The following BSDC1 variants were observed in gnomAD, a reference collection of about 807,000 sequenced individuals.
BSDC1 encodes the protein BSD domain-containing protein 1.
BSDC1 carries 29 observed loss-of-function variants against 56.0 expected under a neutral mutation model. The observed-to-expected ratio is 0.52, with a 90% CI of 0.39 to 0.71. The LOEUF is 0.71. Among genes scored for constraint, BSDC1 ranks in the 30% least tolerant of loss-of-function variants. The pLI, the probability that BSDC1 is intolerant of heterozygous loss-of-function variation, is 0.00. For synonymous variants in BSDC1, 210 were observed against 215.3 expected (o/e 0.98, Z 0.21); for missense variants, 477 against 548.5 (o/e 0.87, Z 1.30).
At chr1:32,379,397 T>C (rs1642408873) in intron 5 of BSDC1, among the ~76,000 whole-genome samples, 1 of 152,126 alleles carries the variant, frequency 6.6e-6, no homozygotes, top group Non-Finnish European at 1.5e-5. Context: ...CCACTGATAA[T>C]TCCTGTGTCT....
intron 3 of BSDC1, among the ~76,000 whole-genome samples, chr1:32,386,247 A>T (rs1374859876): frequency 6.9e-6 from 1 of 144,876 alleles, no homozygotes; most frequent in Non-Finnish European, 1.5e-5. Context: ...TGAACCCGGG[A>T]GGCGGAGCTT....
At chr1:32,372,753 A>G (rs1642138874) in intron 9 of BSDC1, among the ~76,000 whole-genome samples, 1 of 152,160 alleles carries the variant, frequency 6.6e-6, no homozygotes, top group South Asian at 2.1e-4. Flanking sequence ...TTTTCGGGTG[A>G]TTGCTAACTT....
chr1:32,386,625 T>C (rs1204460560), intron 3 of BSDC1, 154 bp downstream of exon 3: 2 of 509,978 alleles, frequency 3.9e-6, no homozygotes, highest in African/African-American at 2.0e-5. Context: ...GCTTGTTTGG[T>C]TGCCAGACAC....
chr1:32,392,730 G>C (rs1642909153), intron 2 of BSDC1, among the ~76,000 whole-genome samples: 1 of 152,170 alleles, frequency 6.6e-6, no homozygotes, highest in Non-Finnish European at 1.5e-5. Flanking sequence ...CTATTGCTGA[G>C]AGGCTGTCCA....
intron 2 of BSDC1, among the ~76,000 whole-genome samples, chr1:32,389,553 T>C (rs1642793354): frequency 6.6e-6 from 1 of 152,114 alleles, no homozygotes; most frequent in Non-Finnish European, 1.5e-5. Context: ...ATAGTGCTGA[T>C]GTGCAAGGGC....
intron 9 of BSDC1, among the ~76,000 whole-genome samples, chr1:32,370,945 G>C (rs1642058847): frequency 6.6e-6 from 1 of 151,918 alleles, no homozygotes; most frequent in African/African-American, 2.4e-5. Context: ...AATATTTATG[G>C]TCTGGTCCTA....
At chr1:32,387,394 T>C (rs967163521) in intron 2 of BSDC1, among the ~76,000 whole-genome samples, 7 of 151,344 alleles carry the variant, frequency 4.6e-5, no homozygotes, top group African/African-American at 1.7e-4. Flanking sequence ...CAGGCTGGAG[T>C]GCAATGGCAC....
At chr1:32,389,544 T>C (rs759500433) in intron 2 of BSDC1, among the ~76,000 whole-genome samples, 28 of 152,190 alleles carry the variant, frequency 1.8e-4, no homozygotes, top group Admixed American at 4.6e-4. Context: ...GGTCCCATGA[T>C]AGTGCTGATG....
intron 4 of BSDC1, among the ~76,000 whole-genome samples, chr1:32,382,867 C>CAAAA (rs760141230): frequency 5.8e-4 from 27 of 46,810 alleles, no homozygotes; most frequent in African/African-American, 1.3e-3. Context: ...GAGACCGTCT[C>CAAAA]AAAAAAAAAA....
rs1641817794 is a variant in BSDC1 at position 32,365,602 on chromosome 1, G to A, written c.*1020C>T. The A allele has an allele frequency of 6.6e-6, 1 of 152,576 alleles. No homozygotes were observed. The highest frequency in any genetic ancestry group is 6.5e-5 in the Admixed American group (1 of 15,270). The allele number at this position is 152,576 out of a possible 1,614,324, so 9.5% of individuals were successfully genotyped here. A position where few individuals can be genotyped will look rare whatever the true frequency, so the allele number is the denominator to read the frequency against. ...CCAGAGTGGAGGGTGAGAGCACAAA[G>A]GCTGGGTCTGTCTTCAGGAAGAAGA... is the stretch of plus-strand genomic sequence containing the variant. On this transcript the variant is annotated 3_prime_UTR_variant, in exon 11 of 11. Coordinates refer to ENST00000455895, the MANE Select transcript of BSDC1 (RefSeq NM_018045.8).
At position 32,377,987 on chromosome 1, in the gene BSDC1, C is replaced by A. The variant is rs774279370; in HGVS notation, c.659G>T (p.Gly220Val). The change falls in exon 8 of 11, where the codon GGC (glycine) becomes GTC (valine). Residue 220 changes from glycine to valine, a missense_variant. Physicochemically the swap from Gly to Val is moderately radical, Grantham distance 109. Transcript: ENST00000455895. ...RAEQSISEEP[G>V]WEEEEEELMG... ...CCTCTTACCTTCCTCCTCCTCCCAG[C>A]CGGGCTCTTCAGAGATGCTCTGTTC... 3.2e-5 allele frequency: 51 copies of A among 1,613,126 alleles called. No individual in the cohort carries two copies.
At chr1:32,367,061 G>A (rs1641880289) in intron 10 of BSDC1, 1 of 995,580 alleles carries the variant, frequency 1.0e-6, no homozygotes, top group African/African-American at 1.7e-5. Flanking sequence ...CAAAAGACCA[G>A]TGTAATCAAG....
Position 32,381,243 on chromosome 1 carries a change from T to C in BSDC1, c.383A>G (p.Asp128Gly). Residue 128 changes from aspartate to glycine, a missense_variant, in exon 5 of 11, where the codon GAC becomes GGC. By Grantham distance (94) the Asp-to-Gly change is moderately conservative. Transcript: ENST00000455895. ...TGGTTCATTACAGTAGGTTGCTGGG[T>C]CCGACTGCAGGCTATAGAGGCGAGC... ...TKARLYSLQS[D>G]PATYCNEPDG... 6.2e-7 allele frequency: 1 copy of C among 1,613,642 alleles called. No individual in the cohort carries two copies. Among genetic ancestry groups the C allele is most frequent in the Non-Finnish European group, 8.5e-7 (1 of 1,179,778 alleles).
chr1:32,383,938 C>G lies in BSDC1; in HGVS notation c.249G>C (p.Gly83=). 6.2e-7 allele frequency: 1 copy of G among 1,612,872 alleles called. No individual in the cohort carries two copies. Among genetic ancestry groups the G allele is most frequent in the Non-Finnish European group, 8.5e-7 (1 of 1,180,014 alleles). ...AAGGGGCAAAGGTGTCTGAGATCAC[C>G]CCTAGGAAGTCAGATAACCCTTTCT... The part of the protein sequence containing the change: ...KMKKGLSDFL[G]VISDTFAPSP... Residue 83 remains glycine, a synonymous_variant, in exon 4 of 11, where the codon GGG becomes GGC. Coordinates refer to ENST00000455895, the MANE Select transcript of BSDC1 (RefSeq NM_018045.8).
Position 32,376,597 on chromosome 1 carries a change from A to G in BSDC1, c.821T>C (p.Val274Ala). The G allele has an allele frequency of 6.7e-7, 1 of 1,484,044 alleles. No individual in the cohort carries two copies. The allele number at this position is 1,484,044 out of a possible 1,614,324, so 91.9% of individuals were successfully genotyped here. A position where few individuals can be genotyped will look rare whatever the true frequency, so the allele number is the denominator to read the frequency against. The part of the protein sequence containing the change: ...LVTSVEPPAE[V>A]TPSESSESIS... Reference sequence around the variant, plus strand: ...GCTCTCACTGCTCTCTGATGGAGTCACCTCTGCTGGGGGCTCAACTGAAGT... The same window carrying G: ...GCTCTCACTGCTCTCTGATGGAGTCGCCTCTGCTGGGGGCTCAACTGAAGT... The change falls in exon 9 of 11, where the codon GTG becomes GCG. Residue 274 changes from valine to alanine, a missense_variant. Val to Ala is a moderately conservative substitution (Grantham distance 64, BLOSUM62 0). Transcript: ENST00000455895.
intron 10 of BSDC1, chr1:32,368,147 C>G: frequency 7.1e-7 from 1 of 1,403,770 alleles, no homozygotes; most frequent in Non-Finnish European, 9.2e-7. Flanking sequence ...GTTGGGATTA[C>G]AGGTGTGAGC....
At position 32,382,508 on chromosome 1, in the gene BSDC1, A is replaced by G. The variant is rs1232469081; in HGVS notation, c.358-1240T>C. Reference sequence around the variant, plus strand: ...AAAAACAAACAAAAAAACTACGAAGAGGGCCCAACTGCCATGACATTATAT... The same window carrying G: ...AAAAACAAACAAAAAAACTACGAAGGGGGCCCAACTGCCATGACATTATAT... On this transcript the variant is annotated intron_variant, in intron 4 of 10. Transcript: ENST00000455895. 2.0e-5 allele frequency among the ~76,000 whole-genome samples: 3 copies of G among 151,466 alleles called. No homozygotes were observed. In the East Asian group the frequency reaches 5.8e-4, roughly 29 times the overall value.
chr1:32,384,155 A>ACCCTT, intron 3 of BSDC1, 158 bp from the exon 4 acceptor site: 5 of 978,222 alleles, frequency 5.1e-6, no homozygotes, highest in Non-Finnish European at 7.6e-6. Flanking sequence ...GAGAGGGAGG[A>ACCCTT]GGCAAGGGTC....
At chr1:32,381,162 C>G in intron 5 of BSDC1, 52 bp downstream of exon 5, 1 of 1,592,912 alleles carries the variant, frequency 6.3e-7, no homozygotes, top group Non-Finnish European at 8.6e-7. Context: ...ACAACCCAGC[C>G]CCCTTAGTCT....
Sources: allele counts gnomAD v4.1 joint callset (sites outside exome capture counted in the v4.1 genomes callset), GRCh38; gene constraint gnomAD v4.1.1; transcripts MANE v1.5; gene names NCBI Gene and HGNC (gene_info 2026-07-23, HGNC 2026-07-21).